The following SMYD3 variants were observed in gnomAD, a reference collection of about 807,000 sequenced individuals.
SMYD3 encodes SET and MYND domain containing 3, also known as histone-lysine N-methyltransferase SMYD3.
SMYD3 carries 36 observed loss-of-function variants against 57.7 expected under a neutral mutation model. That is an observed-to-expected ratio of 0.62 (90% CI 0.48 to 0.82). The LOEUF is 0.82. SMYD3 is among the 40% of genes least tolerant of loss of function. SMYD3 has a pLI of 0.00. For synonymous variants in SMYD3, 211 were observed against 195.0 expected, an observed-to-expected ratio of 1.08 and a Z score of -0.68; for missense variants, 515 against 538.8, an observed-to-expected ratio of 0.96 and a Z score of 0.44.
chr1:246,230,550 T>C (rs2063394961), intron 5 of SMYD3, among the ~76,000 whole-genome samples: 3 of 152,190 alleles, frequency 2.0e-5, no homozygotes, highest in African/African-American at 7.2e-5. Flanking sequence ...AGACCTGAAC[T>C]CCTGGGCTCA....
At chr1:246,240,493 G>A (rs1431006141) in intron 5 of SMYD3, among the ~76,000 whole-genome samples, 3 of 152,096 alleles carry the variant, frequency 2.0e-5, no homozygotes, top group Non-Finnish European at 4.4e-5. Context: ...GGTTACTGTA[G>A]CCTTGTAGTA....
intron 5 of SMYD3, among the ~76,000 whole-genome samples, chr1:246,265,035 G>T (rs556068726): frequency 9.2e-5 from 14 of 152,278 alleles, no homozygotes; most frequent in Admixed American, 9.2e-4. Flanking sequence ...GCATGCTAAT[G>T]AAATAATCCT....
chr1:246,005,469 C>A (rs1296934203), intron 5 of SMYD3, among the ~76,000 whole-genome samples: 2 of 152,174 alleles, frequency 1.3e-5, no homozygotes, highest in Non-Finnish European at 2.9e-5. Flanking sequence ...TTGGTTTGCT[C>A]ATCTAAAATG....
chr1:245,775,473 C>T (rs901267218), intron 10 of SMYD3, among the ~76,000 whole-genome samples: 2 of 150,838 alleles, frequency 1.3e-5, no homozygotes, highest in Non-Finnish European at 2.9e-5. Flanking sequence ...GGATTAAGGG[C>T]GGTGCAAGAT....
intron 8 of SMYD3, among the ~76,000 whole-genome samples, chr1:245,888,088 G>A (rs1022573742): frequency 7.9e-5 from 12 of 152,170 alleles, no homozygotes; most frequent in Non-Finnish European, 8.8e-5. Flanking sequence ...GGGTGAGTCA[G>A]GGCTCCCTGG....
chr1:245,788,816 G>A (rs1354382998), intron 10 of SMYD3: 1 of 152,170 alleles, frequency 6.6e-6, no homozygotes, highest in African/African-American at 2.4e-5. Flanking sequence ...CCATGCCAGA[G>A]TCCAGAATAA....
rs1485185829 is a variant in SMYD3 at position 246,123,598 on chromosome 1, AC to A, written c.532-193662del. ...CACACACACACACACACACACACAC[AC>A]ACACACACACACACACACACAAATC... is the stretch of plus-strand genomic sequence containing the variant. On this transcript the variant is annotated intron_variant, in intron 5 of 11. Coordinates refer to ENST00000490107, the MANE Select transcript of SMYD3 (RefSeq NM_001167740.2). 1.8e-3 allele frequency among the ~76,000 whole-genome samples: 273 copies of A among 151,378 alleles called. 2 individuals carry two copies. Among genetic ancestry groups the A allele is most frequent in the African/African-American group, 6.3e-3 (260 of 41,230 alleles).
At chr1:245,762,833 C>T (rs999871362) in intron 11 of SMYD3, among the ~76,000 whole-genome samples, 1 of 152,182 alleles carries the variant, frequency 6.6e-6, no homozygotes, top group African/African-American at 2.4e-5. Context: ...CCTGAGCAAC[C>T]CTGACGCCCG....
intron 10 of SMYD3, among the ~76,000 whole-genome samples, chr1:245,791,619 A>G (rs1338639683): frequency 1.6e-5 from 2 of 124,184 alleles, no homozygotes; most frequent in Non-Finnish European, 3.3e-5. Flanking sequence ...AGAAAGAGAG[A>G]GGGGGGCAGA....
chr1:246,207,750 C>T (rs919957914), intron 5 of SMYD3, among the ~76,000 whole-genome samples: 3 of 152,086 alleles, frequency 2.0e-5, no homozygotes, highest in Non-Finnish European at 2.9e-5. Context: ...AAAAATAAAT[C>T]ACATGTGCCT....
chr1:245,879,839 A>G (rs1327784345), intron 8 of SMYD3, among the ~76,000 whole-genome samples: 6 of 152,354 alleles, frequency 3.9e-5, no homozygotes, highest in South Asian at 4.1e-4. Context: ...TCAAGCAAAT[A>G]AGTCAATGTC....
At chr1:245,853,244 A>C (rs1222092262) in intron 10 of SMYD3, among the ~76,000 whole-genome samples, 1 of 152,208 alleles carries the variant, frequency 6.6e-6, no homozygotes, top group Non-Finnish European at 1.5e-5. Flanking sequence ...AGCATGGATT[A>C]GGAAAAGTTC....
chr1:246,115,605 G>T (rs2061329983), intron 5 of SMYD3, among the ~76,000 whole-genome samples: 1 of 152,214 alleles, frequency 6.6e-6, no homozygotes, highest in Non-Finnish European at 1.5e-5. Flanking sequence ...AAATACACGT[G>T]CAGGGAAAAA....
chr1:245,812,470 TCTA>T (rs1227577245), intron 10 of SMYD3, among the ~76,000 whole-genome samples: 1 of 152,096 alleles, frequency 6.6e-6, no homozygotes, highest in African/African-American at 2.4e-5. Flanking sequence ...GGTCCTGTGC[TCTA>T]CGAGAGGGTG....
At chr1:245,932,879 G>C (rs2056804375) in intron 5 of SMYD3, among the ~76,000 whole-genome samples, 1 of 152,198 alleles carries the variant, frequency 6.6e-6, no homozygotes, top group African/African-American at 2.4e-5. Flanking sequence ...ATATTAGTCT[G>C]AGTGTTACGT....
intron 5 of SMYD3, among the ~76,000 whole-genome samples, chr1:246,278,701 G>A (rs766160179): frequency 6.6e-6 from 1 of 152,162 alleles, no homozygotes; most frequent in Admixed American, 6.5e-5. Flanking sequence ...ACACCTTGAC[G>A]AGAGCTTTAT....
chr1:246,199,632 C>A (rs74377357), intron 5 of SMYD3, among the ~76,000 whole-genome samples: 1 of 152,184 alleles, frequency 6.6e-6, no homozygotes, highest in Non-Finnish European at 1.5e-5. Context: ...TATCTTGTCA[C>A]GTACAAAATT....
At chr1:245,893,003 A>C (rs1049775669) in intron 8 of SMYD3, among the ~76,000 whole-genome samples, 1 of 152,258 alleles carries the variant, frequency 6.6e-6, no homozygotes, top group Non-Finnish European at 1.5e-5. Flanking sequence ...TGTGTACAGG[A>C]TAAAGAACTC....
intron 10 of SMYD3, among the ~76,000 whole-genome samples, chr1:245,850,462 T>G (rs946458730): frequency 5.3e-5 from 8 of 152,052 alleles, no homozygotes; most frequent in Non-Finnish European, 1.0e-4. Context: ...GAGGCCAAGG[T>G]GCGAGGATCA....
Sources: allele counts gnomAD v4.1 joint callset (sites outside exome capture counted in the v4.1 genomes callset), GRCh38; gene constraint gnomAD v4.1.1; transcripts MANE v1.5; gene names NCBI Gene and HGNC (gene_info 2026-07-23, HGNC 2026-07-21).